Variants in EIF2A observed in about 807,000 individuals in gnomAD.
The protein encoded by EIF2A is eukaryotic translation initiation factor 2A.
In EIF2A, 62 loss-of-function variants were observed where a neutral mutation model predicts 75.2. That is an observed-to-expected ratio of 0.82 (90% CI 0.67 to 1.02). EIF2A has a LOEUF of 1.02. EIF2A is among the 50% of genes least tolerant of loss of function. The pLI is 0.00. For missense variants in EIF2A, 611 were observed against 677.7 expected, an observed-to-expected ratio of 0.90 and a Z score of 1.09; for synonymous variants, 207 against 239.0, an observed-to-expected ratio of 0.87 and a Z score of 1.23.
chr3:150,578,248 T>C (rs1306813018), intron 11 of EIF2A, among the ~76,000 whole-genome samples: 2 of 150,176 alleles, frequency 1.3e-5, no homozygotes, highest in African/African-American at 4.9e-5. Context: ...TTTATACTTA[T>C]TATATAAATA....
Position 150,552,332 on chromosome 3 carries a change from G to T in EIF2A, c.29-24G>T, listed in dbSNP as rs1321432319. On this transcript the variant is annotated intron_variant, in intron 1 of 13. Coordinates refer to ENST00000460851, the MANE Select transcript of EIF2A (RefSeq NM_032025.5). ...AGTCTTTATTAACAAAGTAATTGTG[G>T]TTCTTTTTATTTTACTTCTTTAGTC... is the stretch of plus-strand genomic sequence containing the variant. 1.9e-6 allele frequency: 3 copies of T among 1,542,464 alleles called. No homozygotes were observed. In the East Asian group the frequency reaches 7.4e-5, roughly 38 times the overall value.
intron 11 of EIF2A, 144 bp downstream of exon 11, chr3:150,575,906 T>G: frequency 1.6e-6 from 1 of 637,666 alleles, no homozygotes; most frequent in Non-Finnish European, 2.6e-6. Flanking sequence ...CTGGCCAACG[T>G]GGTGAAACCC....
At chr3:150,570,322 G>A (rs1320860559) in intron 9 of EIF2A, among the ~76,000 whole-genome samples, 1 of 152,046 alleles carries the variant, frequency 6.6e-6, no homozygotes, top group Admixed American at 6.6e-5. Context: ...TAAGTATGAG[G>A]AAGGTCAAAT....
intron 9 of EIF2A, among the ~76,000 whole-genome samples, chr3:150,570,575 A>AAAG (rs201364153): frequency 5.1e-4 from 78 of 152,052 alleles, no homozygotes; most frequent in African/African-American, 1.8e-3. Context: ...TTAAAAAAAA[A>AAAG]AAGAAGAAGA....
intron 6 of EIF2A, 104 bp downstream of exon 6, chr3:150,564,485 T>C: frequency 1.3e-6 from 1 of 791,960 alleles, no homozygotes; most frequent in Non-Finnish European, 1.9e-6. Flanking sequence ...TGTTAATCTA[T>C]TAATCAATAA....
chr3:150,582,480 A>C (rs1725249659), intron 12 of EIF2A, among the ~76,000 whole-genome samples: 1 of 151,342 alleles, frequency 6.6e-6, no homozygotes, highest in Non-Finnish European at 1.5e-5. Context: ...ACACCTGGCT[A>C]ATTTTTTGTA....
intron 9 of EIF2A, among the ~76,000 whole-genome samples, chr3:150,570,681 TTTTCAC>T (rs535587193): frequency 2.0e-5 from 3 of 152,106 alleles, no homozygotes; most frequent in Non-Finnish European, 4.4e-5. Flanking sequence ...AAGATAGACA[TTTTCAC>T]TTAGTAGGCT....
At chr3:150,554,352 G>A (rs1387414817) in intron 2 of EIF2A, among the ~76,000 whole-genome samples, 1 of 152,146 alleles carries the variant, frequency 6.6e-6, no homozygotes, top group African/African-American at 2.4e-5. Context: ...CTGTTTCTCA[G>A]AGTAACCAAG....
chr3:150,583,173 C>T (rs753021681), intron 12 of EIF2A, 27 bp from the exon 13 acceptor site: 2 of 1,604,322 alleles, frequency 1.2e-6, no homozygotes, highest in South Asian at 2.2e-5. Context: ...TTCTTCCATG[C>T]TCTTGACTCA....
intron 10 of EIF2A, among the ~76,000 whole-genome samples, chr3:150,575,377 T>C (rs1294532896): frequency 1.3e-5 from 2 of 152,200 alleles, no homozygotes; most frequent in Non-Finnish European, 2.9e-5. Flanking sequence ...GTGTCTGTAG[T>C]AGTGCTAAGA....
chr3:150,550,364 T>G (rs1168872855), intron 1 of EIF2A, among the ~76,000 whole-genome samples: 1 of 152,222 alleles, frequency 6.6e-6, no homozygotes, highest in Non-Finnish European at 1.5e-5. Flanking sequence ...TATTGAGAAG[T>G]TTTTTAGTCC....
chr3:150,570,923 C>T (rs530619345), intron 9 of EIF2A, among the ~76,000 whole-genome samples: 20 of 151,432 alleles, frequency 1.3e-4, no homozygotes, highest in African/African-American at 3.4e-4. Context: ...AAAATTAGCC[C>T]GGCGTGGTGG....
rs1208239956 is a variant in EIF2A, at chr3:150,558,403, T to C, written c.114T>C (p.Asn38=). The C allele has an allele frequency of 9.8e-6, 15 of 1,526,140 alleles. No individual in the cohort carries two copies. The highest frequency in any genetic ancestry group is 5.0e-5 in the East Asian group (2 of 40,086). The allele number at this position is 1,526,140 out of a possible 1,614,324, so 94.5% of individuals were successfully genotyped here. A position where few individuals can be genotyped will look rare whatever the true frequency, so the allele number is the denominator to read the frequency against. ...STVFPRESGK[N]CKVCIFSKDG... ...TCATTTTCAGGGAATCTGGGAAGAA[T>C]TGCAAAGTCTGTATCTTTAGTAAGG... The change falls in exon 3 of 14, where the codon AAT becomes AAC. Residue 38 remains asparagine (N), a synonymous_variant. Coordinates refer to ENST00000460851, the MANE Select transcript of EIF2A (RefSeq NM_032025.5).
intron 6 of EIF2A, chr3:150,567,181 G>A (rs1724233334): frequency 6.6e-6 from 1 of 152,218 alleles, no homozygotes; most frequent in Non-Finnish European, 1.5e-5. Flanking sequence ...ATAATAGCAT[G>A]GCTCAGACTG....
intron 9 of EIF2A, 58 bp downstream of exon 9, chr3:150,568,350 C>A: frequency 2.3e-6 from 3 of 1,277,026 alleles, no homozygotes; most frequent in East Asian, 2.5e-5. Context: ...AAATACTATG[C>A]CATAAAGATG....
intron 1 of EIF2A, 28 bp downstream of exon 1, chr3:150,546,858 CTT>C: frequency 6.2e-7 from 1 of 1,610,754 alleles, no homozygotes; most frequent in Non-Finnish European, 8.5e-7. Flanking sequence ...GAGGGACTCT[CTT>C]TCTTCAGACT....
Position 150,580,213 on chromosome 3 carries a change from C to CAGCCAGG in EIF2A, c.1498-1404_1498-1398dup, listed in dbSNP as rs372427031. Among the ~76,000 whole-genome samples the CAGCCAGG allele has an allele frequency of 6.8e-4, 103 of 152,112 alleles. No homozygotes were observed. The East Asian group carries it at 0.016, about 23-fold the overall frequency. On this transcript the variant is annotated intron_variant, in intron 11 of 13. Transcript: ENST00000460851. The stretch of plus-strand genomic sequence containing the variant: ...GAAGACTTAAAGGATAAGTAGGGTT[C>CAGCCAGG]AGCCAGGTGACTTGTGGGGGAAGGT...
intron 11 of EIF2A, among the ~76,000 whole-genome samples, chr3:150,577,652 C>T (rs1245135357): frequency 1.3e-5 from 2 of 151,756 alleles, no homozygotes; most frequent in African/African-American, 2.4e-5. Context: ...AACTCCTGAG[C>T]TCAAGCAGTC....
chr3:150,577,960 A>C (rs1191530203), intron 11 of EIF2A, among the ~76,000 whole-genome samples: 2 of 152,178 alleles, frequency 1.3e-5, no homozygotes, highest in Non-Finnish European at 2.9e-5. Context: ...GCTTTAGGTT[A>C]TTCCAAGTAA....
Sources: allele counts gnomAD v4.1 joint callset (sites outside exome capture counted in the v4.1 genomes callset), GRCh38; gene constraint gnomAD v4.1.1; transcripts MANE v1.5; gene names NCBI Gene and HGNC (gene_info 2026-07-23, HGNC 2026-07-21).